Variants in MAML3 observed in about 807,000 individuals in gnomAD.
MAML3 encodes the protein mastermind-like protein 3.
A neutral mutation model predicts 101.9 loss-of-function variants in MAML3; 27 were observed. That is an observed-to-expected ratio of 0.27 (90% CI 0.20 to 0.37). The LOEUF (loss-of-function observed/expected upper bound fraction) is 0.37, where lower values mean the gene tolerates loss of function less well. Ranked by LOEUF, MAML3 falls within the 10% of genes least tolerant of loss-of-function variation. MAML3 has a pLI of 1.00. For synonymous variants in MAML3, 501 were observed against 555.9 expected (o/e 0.90, Z 1.39); for missense variants, 1,316 against 1,444.9 (o/e 0.91, Z 1.45).
intron 1 of MAML3, among the ~76,000 whole-genome samples, chr4:140,095,287 C>G (rs968792882): frequency 1.2e-4 from 19 of 152,196 alleles, no homozygotes; most frequent in African/African-American, 4.6e-4. Flanking sequence ...AGTAGGCCCA[C>G]CACTGTCCAT....
chr4:140,084,664 A>C (rs1208272211), intron 1 of MAML3, among the ~76,000 whole-genome samples: 1 of 151,642 alleles, frequency 6.6e-6, no homozygotes, highest in Non-Finnish European at 1.5e-5. Flanking sequence ...GCCAGCATTT[A>C]TTTCCTGACC....
At chr4:139,762,039 G>T (rs890248803) in intron 2 of MAML3, among the ~76,000 whole-genome samples, 1 of 152,222 alleles carries the variant, frequency 6.6e-6, no homozygotes, top group Non-Finnish European at 1.5e-5. Flanking sequence ...AGGGAGCCCA[G>T]TGTGGGTTTC....
chr4:139,774,387 G>A (rs1482168821), intron 2 of MAML3, among the ~76,000 whole-genome samples: 1 of 152,248 alleles, frequency 6.6e-6, no homozygotes, highest in Non-Finnish European at 1.5e-5. Flanking sequence ...GGCCAGCACT[G>A]TGGCTGGCAC....
chr4:140,076,975 C>T (rs867738901), intron 1 of MAML3, among the ~76,000 whole-genome samples: 24 of 152,212 alleles, frequency 1.6e-4, no homozygotes, highest in East Asian at 3.9e-4. Context: ...CTGCAACCTC[C>T]GCCTCCAGGG....
chr4:139,939,720 A>G (rs1733564546), intron 1 of MAML3, among the ~76,000 whole-genome samples: 1 of 150,478 alleles, frequency 6.6e-6, no homozygotes, highest in Non-Finnish European at 1.5e-5. Context: ...TGAACAAGGC[A>G]TAGTACAGTG....
chr4:140,069,357 AAGG>A (rs1310234029), intron 1 of MAML3, among the ~76,000 whole-genome samples: 3,517 of 51,058 alleles, frequency 0.069, 140 homozygotes, highest in Middle Eastern at 0.13. Flanking sequence ...GGAGAAGGAG[AAGG>A]AGAAGAAGAA....
intron 2 of MAML3, among the ~76,000 whole-genome samples, chr4:139,886,318 T>C (rs1402533158): frequency 6.6e-6 from 1 of 152,150 alleles, no homozygotes; most frequent in African/African-American, 2.4e-5. Flanking sequence ...CTTTTTTAAG[T>C]AGGGAGTTTC....
chr4:140,028,274 A>T (rs190868223), intron 1 of MAML3, among the ~76,000 whole-genome samples: 1 of 152,326 alleles, frequency 6.6e-6, no homozygotes, highest in Non-Finnish European at 1.5e-5. Flanking sequence ...TCTAACTGGC[A>T]GTTCTGATAA....
intron 2 of MAML3, among the ~76,000 whole-genome samples, chr4:139,822,944 G>A (rs1447266244): frequency 6.6e-6 from 1 of 152,182 alleles, no homozygotes; most frequent in Non-Finnish European, 1.5e-5. Flanking sequence ...ACCAGGCAGG[G>A]GCCTGGGGGT....
chr4:140,104,143 G>A (rs1560894527), intron 1 of MAML3, among the ~76,000 whole-genome samples: 1 of 150,792 alleles, frequency 6.6e-6, no homozygotes, highest in Admixed American at 6.6e-5. Context: ...CCAGCACTTT[G>A]GGAGGCCAAG....
chr4:139,989,872 CACACACACACAGAG>C (rs752181966), intron 1 of MAML3, among the ~76,000 whole-genome samples: 2,273 of 94,360 alleles, frequency 0.024, 16 homozygotes, highest in African/African-American at 0.039. Context: ...CACACACACA[CACACACACACAGAG>C]AGAGAGAGAG....
chr4:140,058,931 T>G (rs950949934), intron 1 of MAML3, among the ~76,000 whole-genome samples: 4 of 152,170 alleles, frequency 2.6e-5, no homozygotes, highest in African/African-American at 9.7e-5. Context: ...CTATGTTTTC[T>G]CCTGAGAAGA....
intron 2 of MAML3, chr4:139,794,162 T>C (rs1730470193): frequency 6.6e-6 from 1 of 152,222 alleles, no homozygotes; most frequent in Non-Finnish European, 1.5e-5. Context: ...AATTATAATA[T>C]TCATGTTCAG....
At chr4:140,043,266 T>C (rs1167691268) in intron 1 of MAML3, among the ~76,000 whole-genome samples, 2 of 152,186 alleles carry the variant, frequency 1.3e-5, no homozygotes, top group Admixed American at 6.5e-5. Flanking sequence ...TAAATCTATC[T>C]AGACTGACTT....
At chr4:139,781,645 G>C (rs918881152) in intron 2 of MAML3, among the ~76,000 whole-genome samples, 2 of 152,006 alleles carry the variant, frequency 1.3e-5, no homozygotes, top group African/African-American at 4.8e-5. Context: ...GCAAAGAGGG[G>C]AGAATGTGGT....
intron 1 of MAML3, among the ~76,000 whole-genome samples, chr4:139,992,622 T>A (rs1228489149): frequency 6.6e-6 from 1 of 152,048 alleles, no homozygotes; most frequent in Non-Finnish European, 1.5e-5. Flanking sequence ...GCCTCCTGGG[T>A]TCAAGTGATC....
At chr4:139,851,764 C>T (rs953068998) in intron 2 of MAML3, among the ~76,000 whole-genome samples, 25 of 152,090 alleles carry the variant, frequency 1.6e-4, no homozygotes, top group Admixed American at 5.9e-4. Flanking sequence ...ATCATCTTGG[C>T]GCATAGGTAT....
chr4:140,106,881 T>C (rs1040915934), intron 1 of MAML3, among the ~76,000 whole-genome samples: 1 of 152,126 alleles, frequency 6.6e-6, no homozygotes, highest in Admixed American at 6.5e-5. Flanking sequence ...TGTTTGTTTG[T>C]TTTTTTGAGA....
At chr4:139,886,797 A>G (rs1732346845) in intron 2 of MAML3, among the ~76,000 whole-genome samples, 1 of 152,216 alleles carries the variant, frequency 6.6e-6, no homozygotes. Flanking sequence ...AACACATTCA[A>G]AATTTTGAAA....
Sources: gnomAD v4.1 joint callset for allele counts (sites outside exome capture counted in the v4.1 genomes callset) on GRCh38, gnomAD v4.1.1 for gene constraint, MANE v1.5 for transcripts, NCBI Gene and HGNC (gene_info 2026-07-23, HGNC 2026-07-21) for gene names.